Variants in METTL24 observed in about 807,000 individuals in gnomAD.
METTL24 encodes methyltransferase like 24.
In METTL24, 29 loss-of-function variants were observed where a neutral mutation model predicts 32.7. The ratio of observed to expected loss-of-function variants is 0.89; its 90% confidence interval spans 0.66 to 1.21. The LOEUF (loss-of-function observed/expected upper bound fraction) is 1.21, where lower values mean the gene tolerates loss of function less well. METTL24 is among the 50% of genes most tolerant of loss of function. METTL24 has a pLI of 0.00. For missense variants in METTL24, 439 were observed against 468.1 expected (o/e 0.94, Z 0.57); for synonymous variants, 163 against 179.5 (o/e 0.91, Z 0.73).
chr6:110,257,744 G>A (rs1043299439), intron 4 of METTL24, among the ~76,000 whole-genome samples: 13 of 152,172 alleles, frequency 8.5e-5, no homozygotes, highest in African/African-American at 2.2e-4. Context: ...TGGTGTATGC[G>A]CACAGCACTC....
At chr6:110,300,939 G>A (rs1394938815) in intron 3 of METTL24, among the ~76,000 whole-genome samples, 1 of 152,144 alleles carries the variant, frequency 6.6e-6, no homozygotes, top group Non-Finnish European at 1.5e-5. Context: ...TTATGCAGGA[G>A]GATGTGCATT....
intron 4 of METTL24, among the ~76,000 whole-genome samples, chr6:110,271,149 C>T (rs565040555): frequency 1.1e-4 from 16 of 152,110 alleles, no homozygotes; most frequent in Non-Finnish European, 2.2e-4. Flanking sequence ...CGTGAGCCAC[C>T]GCGTCCAGCC....
intron 1 of METTL24, among the ~76,000 whole-genome samples, chr6:110,344,356 C>T (rs1330358502): frequency 6.6e-6 from 1 of 152,106 alleles, no homozygotes; most frequent in African/African-American, 2.4e-5. Context: ...TCTCACCCAC[C>T]CTCCTGCAAC....
chr6:110,251,349 C>T (rs1778275061), intron 4 of METTL24, among the ~76,000 whole-genome samples: 1 of 152,104 alleles, frequency 6.6e-6, no homozygotes. Flanking sequence ...AGCCTTTATT[C>T]ATCAGAATGT....
chr6:110,250,581 G>C (rs1271419716), intron 4 of METTL24, among the ~76,000 whole-genome samples: 2 of 152,052 alleles, frequency 1.3e-5, no homozygotes, highest in Admixed American at 6.5e-5. Context: ...TTTTGCAATA[G>C]GGCTTTTGCA....
chr6:110,277,904 T>C (rs1156285317), intron 4 of METTL24, among the ~76,000 whole-genome samples: 1 of 152,134 alleles, frequency 6.6e-6, no homozygotes, highest in Non-Finnish European at 1.5e-5. Context: ...AAAAATATCC[T>C]TGATAACGGA....
At chr6:110,283,412 CAG>C (rs1419085359) in intron 4 of METTL24, among the ~76,000 whole-genome samples, 10 of 152,036 alleles carry the variant, frequency 6.6e-5, no homozygotes, top group African/African-American at 2.4e-4. Context: ...CAGAAAACAA[CAG>C]AGGCAACCAA....
At chr6:110,318,146 C>T (rs750878348) in intron 2 of METTL24, among the ~76,000 whole-genome samples, 23 of 152,198 alleles carry the variant, frequency 1.5e-4, no homozygotes, top group Non-Finnish European at 2.4e-4. Context: ...ATTGAAGATC[C>T]GCAGTGAGGG....
At chr6:110,297,677 T>C (rs1771444151) in intron 4 of METTL24, among the ~76,000 whole-genome samples, 1 of 152,098 alleles carries the variant, frequency 6.6e-6, no homozygotes, top group South Asian at 2.1e-4. Flanking sequence ...TAAATAAAGT[T>C]CTGAAAAATG....
In METTL24 at chr6:110,358,163, C is replaced by T. The variant is rs1478660723; in HGVS notation, c.110G>A (p.Gly37Glu). Reference protein sequence around the residue: ...LRLCAELRRAGPGSPTRSAPP... With the variant: ...LRLCAELRRAEPGSPTRSAPP... ...GGCGCTGCGGGTGGGGGACCCGGGC[C>T]CGGCGCGCCGCAGCTCTGCGCAGAG... Residue 37 changes from glycine (G) to glutamate (E), a missense_variant, in exon 1 of 5, where the codon GGG becomes GAG. By Grantham distance (98) the Gly-to-Glu change is moderately conservative. Coordinates refer to ENST00000338882, the MANE Select transcript of METTL24 (RefSeq NM_001123364.3). The T allele has an allele frequency of 5.8e-6, 7 of 1,213,708 alleles. No homozygotes were observed. In the African/African-American group the frequency reaches 9.5e-5, roughly 17 times the overall value. The allele number at this position is 1,213,708 out of a possible 1,614,324, so 75.2% of individuals were successfully genotyped here.
intron 4 of METTL24, among the ~76,000 whole-genome samples, chr6:110,280,160 A>G (rs1209345602): frequency 6.6e-6 from 1 of 152,164 alleles, no homozygotes; most frequent in South Asian, 2.1e-4. Flanking sequence ...CCTACCTCCA[A>G]CATTTGGGAT....
intron 2 of METTL24, among the ~76,000 whole-genome samples, chr6:110,315,848 G>C (rs1771810602): frequency 6.6e-6 from 1 of 152,132 alleles, no homozygotes; most frequent in Non-Finnish European, 1.5e-5. Flanking sequence ...GAGAGGCTTG[G>C]ACCAAGAAGG....
chr6:110,290,243 T>C (rs1223926186), intron 4 of METTL24, among the ~76,000 whole-genome samples: 3 of 152,118 alleles, frequency 2.0e-5, no homozygotes, highest in African/African-American at 4.8e-5. Flanking sequence ...CGAATGTATA[T>C]ACCCATGTAA....
intron 1 of METTL24, chr6:110,357,282 T>A (rs1772717226): frequency 6.6e-6 from 1 of 152,050 alleles, no homozygotes; most frequent in Admixed American, 6.6e-5. Flanking sequence ...AAGAAGTTAA[T>A]GAGGTAGGAG....
intron 4 of METTL24, among the ~76,000 whole-genome samples, chr6:110,284,568 A>C (rs1771187919): frequency 6.6e-6 from 1 of 152,158 alleles, no homozygotes; most frequent in Admixed American, 6.5e-5. Flanking sequence ...GCTGATAATT[A>C]CTAGATCATG....
chr6:110,357,754 G>A, intron 1 of METTL24: 1 of 217,950 alleles, frequency 4.6e-6, no homozygotes. Flanking sequence ...AATGAACTCC[G>A]CTTGGCCGCA....
chr6:110,246,041 T>C lies in METTL24; in HGVS notation c.1006A>G (p.Lys336Glu), dbSNP rs554884292. Residue 336 changes from lysine (K) to glutamate (E), a missense_variant, in exon 5 of 5, where the codon AAA (lysine) becomes GAA (glutamate). Lys to Glu is a moderately conservative substitution (Grantham distance 56). Coordinates refer to ENST00000338882, the MANE Select transcript of METTL24 (RefSeq NM_001123364.3). ...QKDFRLFHSY[K>E]DLSKPQLFLK... ...AATAGCTGAGGTTTAGATAAGTCTT[T>C]GTAACTGTGAAAAAGCCTGAAATCC... 6.2e-7 allele frequency: 1 copy of C among 1,614,216 alleles called. No individual in the cohort carries two copies. The highest frequency in any genetic ancestry group is 1.1e-5 in the South Asian group (1 of 91,088).
Position 110,292,074 on chromosome 6 carries a change from T to C in METTL24, c.786+6848A>G, listed in dbSNP as rs560999658. Among the ~76,000 whole-genome samples the C allele has an allele frequency of 2.0e-5, 3 of 152,350 alleles. No homozygotes were observed. In the East Asian group the frequency reaches 5.8e-4, roughly 29 times the overall value. On this transcript the variant is annotated intron_variant, in intron 4 of 4. Coordinates refer to ENST00000338882, the MANE Select transcript of METTL24 (RefSeq NM_001123364.3). ...CAGTACATAAAAATTTGTTTGTCGTTTTTTTAAGTGGTTTTGTAAGTTGTC... is the reference window on the plus strand; with the variant it reads ...CAGTACATAAAAATTTGTTTGTCGTCTTTTTAAGTGGTTTTGTAAGTTGTC...
rs561295911 is a variant in METTL24 at position 110,245,814 on chromosome 6, C to T, written c.*132G>A. On this transcript the variant is annotated 3_prime_UTR_variant, in exon 5 of 5. Coordinates refer to ENST00000338882, the MANE Select transcript of METTL24 (RefSeq NM_001123364.3). Reference sequence around the variant, plus strand: ...CATGCCAAGCACTAGGCTGCATGCCCGCAATAACACACTCCCTGCCTCAAG... The same window carrying T: ...CATGCCAAGCACTAGGCTGCATGCCTGCAATAACACACTCCCTGCCTCAAG... The T allele has an allele frequency of 8.7e-5, 75 of 863,854 alleles. No homozygotes were observed. The highest frequency in any genetic ancestry group is 8.1e-4 in the African/African-American group (48 of 59,536). The allele number at this position is 863,854 out of a possible 1,614,324, so 53.5% of individuals were successfully genotyped here.
Sources: allele counts gnomAD v4.1 joint callset (sites outside exome capture counted in the v4.1 genomes callset), GRCh38; gene constraint gnomAD v4.1.1; transcripts MANE v1.5; gene names NCBI Gene and HGNC (gene_info 2026-07-23, HGNC 2026-07-21).